USP28: variants seen among roughly 807,000 people sequenced by gnomAD.
USP28 encodes the protein ubiquitin carboxyl-terminal hydrolase 28.
USP28 carries 113 observed loss-of-function variants against 145.0 expected under a neutral mutation model. The observed-to-expected ratio is 0.78, with a 90% CI of 0.67 to 0.91. The LOEUF (loss-of-function observed/expected upper bound fraction) is 0.91. USP28 is among the 40% of genes least tolerant of loss of function. The probability of loss-of-function intolerance (pLI) is 0.00; values close to 1 mark genes in which losing one functional copy is unlikely to be tolerated. For synonymous variants in USP28, 447 were observed against 450.9 expected, an observed-to-expected ratio of 0.99 and a Z score of 0.11; for missense variants, 1,201 against 1,289.6, an observed-to-expected ratio of 0.93 and a Z score of 1.05.
At chr11:113,835,475 C>T (rs564611141) in intron 5 of USP28, 132 of 395,748 alleles carry the variant, frequency 3.3e-4, no homozygotes, top group South Asian at 1.2e-3. Flanking sequence ...CTCTGGCTTC[C>T]CTCACTCTAA....
chr11:113,825,759 T>C (rs1397358461), intron 11 of USP28, among the ~76,000 whole-genome samples: 2 of 152,200 alleles, frequency 1.3e-5, no homozygotes, highest in African/African-American at 4.8e-5. Context: ...TAAATATTAA[T>C]GTTACTAATG....
At chr11:113,798,346 CAG>C (rs919149054) in exon 25 of USP28, 2 of 151,214 alleles carry the variant, frequency 1.3e-5, no homozygotes, top group African/African-American at 2.4e-5. Context: ...GCCCAGGAGA[CAG>C]AGTTTGCAGT....
At chr11:113,873,638 AAT>A (rs1472790258) in intron 1 of USP28, among the ~76,000 whole-genome samples, 2 of 152,242 alleles carry the variant, frequency 1.3e-5, no homozygotes, top group Non-Finnish European at 2.9e-5. Context: ...TCTCTAAATC[AAT>A]ATGATAGTCT....
exon 6 of USP28, chr11:113,834,265 T>A: frequency 6.2e-7 from 1 of 1,611,782 alleles, no homozygotes; most frequent in Non-Finnish European, 8.5e-7. Context: ...ACTTCGACAA[T>A]TTTCAAGTAC....
chr11:113,811,951 G>T (rs1295994953), intron 16 of USP28, among the ~76,000 whole-genome samples: 7 of 152,212 alleles, frequency 4.6e-5, no homozygotes, highest in Middle Eastern at 3.4e-3. Context: ...GTTCAGAGTT[G>T]AATGGAAAAA....
At chr11:113,818,956 T>G (rs1942180462) in intron 12 of USP28, among the ~76,000 whole-genome samples, 1 of 151,924 alleles carries the variant, frequency 6.6e-6, no homozygotes, top group African/African-American at 2.4e-5. Flanking sequence ...ATACAACTTT[T>G]AGGACCAACT....
At chr11:113,813,022 TAC>T (rs1941231976) in intron 15 of USP28, among the ~76,000 whole-genome samples, 1 of 152,208 alleles carries the variant, frequency 6.6e-6, no homozygotes, top group East Asian at 1.9e-4. Context: ...ACTTGTTTGT[TAC>T]AACATTTGAA....
At chr11:113,801,518 T>G in exon 24 of USP28, 1 of 1,593,280 alleles carries the variant, frequency 6.3e-7, no homozygotes, top group Non-Finnish European at 8.6e-7. Context: ...GCACCAATGG[T>G]TTCTCATGAC....
chr11:113,815,124 C>A, intron 14 of USP28, 50 bp downstream of exon 14: 1 of 1,565,300 alleles, frequency 6.4e-7, no homozygotes, highest in South Asian at 1.1e-5. Flanking sequence ...TCCAAATAGT[C>A]AAAAAACAGA....
exon 23 of USP28, chr11:113,803,256 C>T: frequency 1.2e-6 from 2 of 1,612,904 alleles, no homozygotes; most frequent in South Asian, 1.1e-5. Flanking sequence ...TAGGCATATA[C>T]CAGGTAGGAA....
rs7129104 is a variant in USP28 at position 113,830,103 on chromosome 11, A to T, written c.911-758T>A. On this transcript the variant is annotated intron_variant, in intron 9 of 24. Transcript: ENST00000003302. Reference sequence around the variant, plus strand: ...ACAACCCAGTTTCTCCAAAAAATACATTTCAAGGAAAAAACGATGGAGGGG... The same window carrying T: ...ACAACCCAGTTTCTCCAAAAAATACTTTTCAAGGAAAAAACGATGGAGGGG... Among the ~76,000 whole-genome samples, 1,264 of 152,330 alleles carry T rather than the reference A, an allele frequency of 8.3e-3. 17 individuals are homozygous for T. Among genetic ancestry groups the T allele is most frequent in the African/African-American group, 0.028 (1,184 of 41,584 alleles).
intron 3 of USP28, among the ~76,000 whole-genome samples, chr11:113,850,727 G>T (rs1350448203): frequency 6.6e-6 from 1 of 152,144 alleles, no homozygotes; most frequent in East Asian, 1.9e-4. Context: ...GCAGCAACCA[G>T]TGCTTAAGCT....
In USP28 at chr11:113,828,648, T is replaced by C. The variant is rs112189284; in HGVS notation, c.1059+549A>G. Among the ~76,000 whole-genome samples the C allele has an allele frequency of 9.5e-3, 1,450 of 152,322 alleles. 26 individuals are homozygous for C. The highest frequency in any genetic ancestry group is 0.033 in the African/African-American group (1,362 of 41,570). On this transcript the variant is annotated intron_variant, in intron 10 of 24. Coordinates refer to ENST00000003302, the Ensembl canonical transcript of USP28. Reference sequence around the variant, plus strand: ...TGTTACAAATGCTATTCACTAATTCTTAACCTAACTGGAATACTGAGATGT... The same window carrying C: ...TGTTACAAATGCTATTCACTAATTCCTAACCTAACTGGAATACTGAGATGT...
intron 1 of USP28, among the ~76,000 whole-genome samples, chr11:113,864,374 G>T (rs527723621): frequency 1.3e-5 from 2 of 152,308 alleles, no homozygotes; most frequent in East Asian, 3.9e-4. Flanking sequence ...ATAAATATAA[G>T]AGGTGAAATT....
chr11:113,843,352 C>G (rs980525946), intron 3 of USP28, among the ~76,000 whole-genome samples: 1 of 152,026 alleles, frequency 6.6e-6, no homozygotes, highest in Non-Finnish European at 1.5e-5. Context: ...TGTGTGGTAG[C>G]CCTGTTCCAC....
At chr11:113,851,564 G>A (rs1320762190) in intron 3 of USP28, among the ~76,000 whole-genome samples, 3 of 152,186 alleles carry the variant, frequency 2.0e-5, no homozygotes, top group Admixed American at 1.3e-4. Flanking sequence ...GGGAGGCTGA[G>A]GCGGGTGGAT....
chr11:113,839,705 A>G (rs902802058), intron 5 of USP28, among the ~76,000 whole-genome samples: 2 of 152,148 alleles, frequency 1.3e-5, no homozygotes, highest in African/African-American at 4.8e-5. Flanking sequence ...CCTGGCCAAC[A>G]TGGCGAAACC....
At chr11:113,873,536 T>C (rs910023961) in intron 1 of USP28, among the ~76,000 whole-genome samples, 1 of 152,146 alleles carries the variant, frequency 6.6e-6, no homozygotes, top group South Asian at 2.1e-4. Context: ...CAGAGGTAAA[T>C]GAAGATGCCA....
At chr11:113,813,791 T>C in intron 15 of USP28, 94 bp downstream of exon 15, 1 of 909,658 alleles carries the variant, frequency 1.1e-6, no homozygotes, top group Non-Finnish European at 1.8e-6. Flanking sequence ...CTTAGGGGGA[T>C]TCCCATTGGG....
Sources: gnomAD v4.1 joint callset for allele counts (sites outside exome capture counted in the v4.1 genomes callset) on GRCh38, gnomAD v4.1.1 for gene constraint, MANE v1.5 for transcripts, NCBI Gene and HGNC (gene_info 2026-07-23, HGNC 2026-07-21) for gene names.